Variants in CIROZ observed in about 807,000 individuals in gnomAD.
CIROZ encodes ciliated left-right organizer protein containing ZP-N domains, also known as ciliated left-right organizer ZP-N domains-containing protein.
At chr1:10,972,512 T>C in the CIROZ span, among the ~76,000 whole-genome samples, 4 of 151,570 alleles carry the variant, frequency 2.6e-5, no homozygotes, top group Admixed American at 1.3e-4. Context: ...TGGAATAATA[T>C]TGTCGGGCTA....
At chr1:10,947,470 C>T in the CIROZ span, among the ~76,000 whole-genome samples, 12 of 152,346 alleles carry the variant, frequency 7.9e-5, no homozygotes, top group Admixed American at 3.3e-4. Flanking sequence ...GACCCAGTGC[C>T]CCTGGACTCC....
chr1:10,965,503 G>A, the CIROZ span, among the ~76,000 whole-genome samples: 4 of 152,250 alleles, frequency 2.6e-5, no homozygotes, highest in East Asian at 7.7e-4. Flanking sequence ...GCGGGAGGAT[G>A]GCTTGAGCCT....
the CIROZ span, chr1:10,964,084 TG>T: frequency 9.3e-6 from 15 of 1,604,914 alleles, no homozygotes; most frequent in Admixed American, 6.8e-5. Context: ...AAGCCCAGCC[TG>T]GGAGGTCCCT....
At chr1:10,958,625 A>G in the CIROZ span, 1 of 1,488,916 alleles carries the variant, frequency 6.7e-7, no homozygotes, top group Non-Finnish European at 9.4e-7. Flanking sequence ...AGCAAACTCA[A>G]AAGCTGCCTC....
the CIROZ span, among the ~76,000 whole-genome samples, chr1:10,968,741 C>T: frequency 6.6e-6 from 1 of 152,222 alleles, no homozygotes. Context: ...TCCTCAAAAG[C>T]CACAGGTGTC....
the CIROZ span, among the ~76,000 whole-genome samples, chr1:10,961,100 G>C: frequency 1.3e-5 from 2 of 152,244 alleles, no homozygotes; most frequent in African/African-American, 4.8e-5. Context: ...TGGAGACCAA[G>C]CGGCGCCCGA....
chr1:10,962,442 A>G, the CIROZ span, among the ~76,000 whole-genome samples: 10 of 152,184 alleles, frequency 6.6e-5, no homozygotes, highest in Non-Finnish European at 1.5e-4. Flanking sequence ...ACGAGACTGC[A>G]TCTCAAAAAA....
chr1:10,981,336 G>C, the CIROZ span, among the ~76,000 whole-genome samples: 1 of 152,134 alleles, frequency 6.6e-6, no homozygotes, highest in Non-Finnish European at 1.5e-5. Context: ...TATGGTCCCA[G>C]CTACTCAGGA....
the CIROZ span, chr1:10,948,328 C>T: frequency 6.2e-7 from 1 of 1,613,704 alleles, no homozygotes; most frequent in South Asian, 1.1e-5. Flanking sequence ...GAAACCAGCT[C>T]CTCTGCAGCC....
the CIROZ span, among the ~76,000 whole-genome samples, chr1:10,978,172 T>TAAAA: frequency 7.9e-6 from 1 of 126,854 alleles, no homozygotes; most frequent in Non-Finnish European, 1.7e-5. Flanking sequence ...AACTCCACAG[T>TAAAA]AAAAAAAAAA....
At chr1:10,948,841 C>T in the CIROZ span, 2 of 1,487,384 alleles carry the variant, frequency 1.3e-6, no homozygotes, top group East Asian at 2.3e-5. Flanking sequence ...GGTCCAAGCC[C>T]CTTCTTCACC....
the CIROZ span, chr1:10,970,234 A>C: frequency 1.3e-6 from 1 of 767,306 alleles, no homozygotes; most frequent in South Asian, 1.9e-5. Context: ...AAGGGCATGT[A>C]GGGGTCATAT....
the CIROZ span, among the ~76,000 whole-genome samples, chr1:10,975,425 A>ACC: frequency 6.7e-6 from 1 of 150,136 alleles, no homozygotes; most frequent in Admixed American, 6.6e-5. Context: ...AAAAAAAAAA[A>ACC]AAAAAACACA....
chr1:10,958,791 G>A, the CIROZ span: 29 of 1,603,592 alleles, frequency 1.8e-5, no homozygotes, highest in Middle Eastern at 6.7e-4. Context: ...CCTGCAAGCG[G>A]TGAGCAAAGG....
chr1:10,972,952 A>AT, the CIROZ span, among the ~76,000 whole-genome samples: 4 of 146,476 alleles, frequency 2.7e-5, no homozygotes, highest in African/African-American at 1.1e-4. Context: ...AAAATTTAAA[A>AT]TAAAAAAAAA....
the CIROZ span, chr1:10,955,273 G>A: frequency 1.4e-5 from 18 of 1,287,702 alleles, no homozygotes; most frequent in Non-Finnish European, 1.9e-5. Flanking sequence ...TTTGCCAGGG[G>A]CCACACCTGT....
chr1:10,976,321 T>C, the CIROZ span: 87 of 1,021,560 alleles, frequency 8.5e-5, no homozygotes, highest in African/African-American at 1.4e-3. Flanking sequence ...TCTACCTTCA[T>C]TCACTCATTA....
At chr1:10,968,050 T>G in the CIROZ span, among the ~76,000 whole-genome samples, 3 of 152,028 alleles carry the variant, frequency 2.0e-5, no homozygotes, top group East Asian at 5.8e-4. Context: ...TCCCAGCTAC[T>G]CTGGAGGCTG....
the CIROZ span, chr1:10,955,242 C>T: frequency 3.3e-6 from 5 of 1,500,782 alleles, no homozygotes; most frequent in South Asian, 6.3e-5. Context: ...GGCTCGTGGA[C>T]AAATTAAGTG....
Sources: gnomAD v4.1 joint callset for allele counts (sites outside exome capture counted in the v4.1 genomes callset) on GRCh38, gnomAD v4.1.1 for gene constraint, MANE v1.5 for transcripts, NCBI Gene and HGNC (gene_info 2026-07-23, HGNC 2026-07-21) for gene names.